The following CNTN5 variants were observed in gnomAD, a reference collection of about 807,000 sequenced individuals.
CNTN5 encodes contactin 5.
Under a neutral mutation model 129.1 loss-of-function variants are expected in CNTN5, and 77 were observed. The observed-to-expected ratio is 0.60, with a 90% CI of 0.50 to 0.72. CNTN5 has a LOEUF of 0.72. CNTN5 is among the 30% of genes least tolerant of loss of function. CNTN5 has a pLI of 0.00. For synonymous variants in CNTN5, 509 were observed against 465.6 expected, an observed-to-expected ratio of 1.09 and a Z score of -1.20; for missense variants, 1,478 against 1,328.8, an observed-to-expected ratio of 1.11 and a Z score of -1.75.
intron 1 of CNTN5, among the ~76,000 whole-genome samples, chr11:99,189,351 C>A (rs1039210382): frequency 4.6e-5 from 7 of 151,548 alleles, no homozygotes; most frequent in Non-Finnish European, 1.0e-4. Flanking sequence ...TTGCAATGAG[C>A]ATGGGAGTGA....
intron 2 of CNTN5, among the ~76,000 whole-genome samples, chr11:99,340,135 CCTAGACAA>C (rs1314204972): frequency 6.6e-6 from 1 of 151,980 alleles, no homozygotes; most frequent in East Asian, 1.9e-4. Flanking sequence ...GTGGGAGTTC[CCTAGACAA>C]CTAGAAACAA....
chr11:100,129,475 GAAGA>G (rs1946305274), intron 13 of CNTN5, among the ~76,000 whole-genome samples: 1 of 152,068 alleles, frequency 6.6e-6, no homozygotes, highest in African/African-American at 2.4e-5. Flanking sequence ...TTTGAAGACC[GAAGA>G]AAGAGATTGC....
intron 1 of CNTN5, among the ~76,000 whole-genome samples, chr11:99,078,886 A>C (rs1476992519): frequency 6.6e-6 from 1 of 152,100 alleles, no homozygotes; most frequent in Admixed American, 6.6e-5. Context: ...ATAGCACAAC[A>C]GGGTGATTAC....
chr11:99,805,464 G>T (rs1409764831), intron 3 of CNTN5, among the ~76,000 whole-genome samples: 1 of 152,158 alleles, frequency 6.6e-6, no homozygotes, highest in Non-Finnish European at 1.5e-5. Flanking sequence ...AATATTGTTT[G>T]TCATCATGAA....
intron 1 of CNTN5, among the ~76,000 whole-genome samples, chr11:99,299,729 A>T (rs1159852484): frequency 6.6e-6 from 1 of 152,154 alleles, no homozygotes; most frequent in Non-Finnish European, 1.5e-5. Flanking sequence ...ACATGATTTC[A>T]TACTTTTTAT....
rs369303429 is a variant in CNTN5 at position 99,336,997 on chromosome 11, T to C, written c.-71+11513T>C. Among the ~76,000 whole-genome samples, 41 of 152,256 alleles carry C rather than the reference T, an allele frequency of 2.7e-4. No individual in the cohort carries two copies. In the East Asian group the frequency reaches 4.4e-3, roughly 16 times the overall value. ...GTTCTAAAGAAATTTAACAAGAATT[T>C]TGAAGTCACATAAGGACACATACAG... is the stretch of plus-strand genomic sequence containing the variant. On this transcript the variant is annotated intron_variant, in intron 2 of 24. Transcript: ENST00000524871.
rs552472904 is a variant in CNTN5 at position 100,199,651 on chromosome 11, C to T, written c.1884+5988C>T. Among the ~76,000 whole-genome samples, 12 of 151,950 alleles carry T rather than the reference C, an allele frequency of 7.9e-5. No homozygotes were observed. In the South Asian group the frequency reaches 2.5e-3, roughly 31 times the overall value. ...CTTGTATGTGCTAAAAAATGTGTCT[C>T]CACTCACTGTCTTCTCAAAGTAGAA... is the stretch of plus-strand genomic sequence containing the variant. On this transcript the variant is annotated intron_variant, in intron 15 of 24. Transcript: ENST00000524871.
chr11:99,932,613 G>A (rs897286310), intron 7 of CNTN5, among the ~76,000 whole-genome samples: 9 of 152,094 alleles, frequency 5.9e-5, no homozygotes, highest in African/African-American at 2.2e-4. Flanking sequence ...TGACTTTGGG[G>A]AAGAAATATA....
At chr11:100,161,830 T>TACACAC (rs71050053) in intron 13 of CNTN5, among the ~76,000 whole-genome samples, 14,896 of 125,564 alleles carry the variant, frequency 0.12, 994 homozygotes, top group Non-Finnish European at 0.13. Flanking sequence ...TGGAGCTTCC[T>TACACAC]ACACACACAC....
At chr11:99,527,046 C>A (rs926302033) in intron 2 of CNTN5, among the ~76,000 whole-genome samples, 3 of 152,250 alleles carry the variant, frequency 2.0e-5, no homozygotes, top group African/African-American at 7.2e-5. Context: ...GTTAACATCT[C>A]ACATATCTCC....
chr11:99,217,290 A>C (rs1412601211), intron 1 of CNTN5, among the ~76,000 whole-genome samples: 2 of 152,214 alleles, frequency 1.3e-5, no homozygotes, highest in Non-Finnish European at 2.9e-5. Context: ...GACATTTATC[A>C]AAAGAAGACA....
chr11:99,702,891 A>C (rs895238601), intron 3 of CNTN5, among the ~76,000 whole-genome samples: 1 of 151,022 alleles, frequency 6.6e-6, no homozygotes, highest in East Asian at 1.9e-4. Context: ...TTTGTTTGTG[A>C]GATAGCCTCT....
chr11:100,186,897 T>C (rs1412060185), intron 13 of CNTN5, among the ~76,000 whole-genome samples: 1 of 152,188 alleles, frequency 6.6e-6, no homozygotes, highest in Non-Finnish European at 1.5e-5. Context: ...CATTGTAATG[T>C]AAATCACATT....
chr11:100,292,765 AAG>A (rs1295479959), intron 18 of CNTN5, among the ~76,000 whole-genome samples: 12 of 151,984 alleles, frequency 7.9e-5, no homozygotes, highest in Admixed American at 2.6e-4. Flanking sequence ...GGCAATGAGA[AAG>A]AGTCATAAAA....
At chr11:99,126,339 C>T (rs998997344) in intron 1 of CNTN5, among the ~76,000 whole-genome samples, 1 of 152,162 alleles carries the variant, frequency 6.6e-6, no homozygotes, top group Non-Finnish European at 1.5e-5. Flanking sequence ...TGCCTTCAAA[C>T]TTCTGTTGAA....
intron 6 of CNTN5, among the ~76,000 whole-genome samples, chr11:99,863,722 T>C (rs1468644079): frequency 6.6e-6 from 1 of 152,248 alleles, no homozygotes; most frequent in Non-Finnish European, 1.5e-5. Context: ...ACTATTGCTG[T>C]TGTTAGCCTA....
intron 2 of CNTN5, among the ~76,000 whole-genome samples, chr11:99,519,924 T>G (rs1403690643): frequency 2.0e-5 from 3 of 152,104 alleles, no homozygotes; most frequent in Non-Finnish European, 2.9e-5. Context: ...TTTAAGTGGA[T>G]AGTCAATAAA....
chr11:100,037,778 G>A (rs1220538263), intron 9 of CNTN5, among the ~76,000 whole-genome samples: 3 of 152,088 alleles, frequency 2.0e-5, no homozygotes, highest in Non-Finnish European at 4.4e-5. Flanking sequence ...AGTATTCTCT[G>A]ATGGTAGTTT....
chr11:100,047,740 G>A (rs1020572480), intron 9 of CNTN5, among the ~76,000 whole-genome samples: 2 of 152,162 alleles, frequency 1.3e-5, no homozygotes, highest in Admixed American at 1.3e-4. Context: ...TTCTAGAAGA[G>A]ATTGTCACTT....
Sources: gnomAD v4.1 joint callset for allele counts (sites outside exome capture counted in the v4.1 genomes callset) on GRCh38, gnomAD v4.1.1 for gene constraint, MANE v1.5 for transcripts, NCBI Gene and HGNC (gene_info 2026-07-23, HGNC 2026-07-21) for gene names.